SLC5A12: variants seen among roughly 807,000 people sequenced by gnomAD.
The protein encoded by SLC5A12 is sodium-coupled monocarboxylate transporter 2.
SLC5A12 carries 46 observed loss-of-function variants against 72.7 expected under a neutral mutation model. That is an observed-to-expected ratio of 0.63 (90% CI 0.50 to 0.81). The LOEUF is 0.81. SLC5A12 is among the 30% of genes least tolerant of loss of function. The pLI is 0.00. For synonymous variants in SLC5A12, 275 were observed against 264.4 expected, an observed-to-expected ratio of 1.04 and a Z score of -0.39; for missense variants, 683 against 740.7, an observed-to-expected ratio of 0.92 and a Z score of 0.90.
intron 1 of SLC5A12, among the ~76,000 whole-genome samples, 195 bp downstream of exon 1, chr11:26,721,178 GTCA>G (rs1855470719): frequency 6.6e-6 from 1 of 152,126 alleles, no homozygotes; most frequent in South Asian, 2.1e-4. Context: ...CTGTGGGATT[GTCA>G]TCATTATTTT....
intron 13 of SLC5A12, among the ~76,000 whole-genome samples, chr11:26,676,305 T>C (rs1267511439): frequency 3.3e-5 from 5 of 149,256 alleles, no homozygotes; most frequent in Non-Finnish European, 5.9e-5. Flanking sequence ...CTTTGTAGAG[T>C]GAAATCAACC....
At chr11:26,685,623 C>CAAA (rs145824876) in intron 10 of SLC5A12, among the ~76,000 whole-genome samples, 3 of 149,914 alleles carry the variant, frequency 2.0e-5, no homozygotes, top group African/African-American at 7.4e-5. Context: ...AACAAACAAA[C>CAAA]AAAAAAACAA....
At chr11:26,686,420 AAG>A (rs1854534950) in intron 10 of SLC5A12, 55 bp downstream of exon 10, 1 of 1,514,314 alleles carries the variant, frequency 6.6e-7, no homozygotes, top group African/African-American at 1.4e-5. Context: ...AAGACATTAA[AAG>A]AGAGTGGGGG....
intron 1 of SLC5A12, among the ~76,000 whole-genome samples, chr11:26,717,926 T>A (rs1455896261): frequency 6.6e-6 from 1 of 152,130 alleles, no homozygotes; most frequent in Admixed American, 6.5e-5. Flanking sequence ...CAGGGCAGCA[T>A]TCCAAGAGGA....
intron 6 of SLC5A12, among the ~76,000 whole-genome samples, chr11:26,702,004 T>C (rs1854968662): frequency 6.6e-6 from 1 of 152,172 alleles, no homozygotes; most frequent in African/African-American, 2.4e-5. Flanking sequence ...GAAAATAATA[T>C]AAACTCATAA....
intron 7 of SLC5A12, 91 bp from the exon 8 acceptor site, chr11:26,697,343 C>T (rs1854845779): frequency 2.7e-6 from 3 of 1,111,774 alleles, no homozygotes; most frequent in Non-Finnish European, 3.9e-6. Flanking sequence ...GATTAGTGGT[C>T]TTCTCATCAG....
chr11:26,671,585 A>G (rs147701014), intron 14 of SLC5A12, among the ~76,000 whole-genome samples: 22 of 152,216 alleles, frequency 1.4e-4, no homozygotes, highest in African/African-American at 5.3e-4. Flanking sequence ...TGTATCTCAT[A>G]TGGGGATGGC....
chr11:26,715,341 A>AT (rs398015631), intron 1 of SLC5A12, among the ~76,000 whole-genome samples: 4 of 150,812 alleles, frequency 2.7e-5, no homozygotes, highest in African/African-American at 9.7e-5. Flanking sequence ...GCAGATCAGA[A>AT]GGCTTGAGGG....
At position 26,698,543 on chromosome 11, in the gene SLC5A12, A is replaced by G; in HGVS notation, c.822-8T>C. On this transcript the variant is annotated splice_polypyrimidine_tract_variant and splice_region_variant and intron_variant, in intron 6 of 14. Coordinates refer to ENST00000396005, the MANE Select transcript of SLC5A12 (RefSeq NM_178498.4). ...AAGTTAAAATACAAGGCACTAGAAA[A>G]GAGCACATGGGCCTATTGGTAGCCT... 6.2e-7 allele frequency: 1 copy of G among 1,613,838 alleles called. No homozygotes were observed. Among genetic ancestry groups the G allele is most frequent in the Non-Finnish European group, 8.5e-7 (1 of 1,179,806 alleles).
intron 8 of SLC5A12, among the ~76,000 whole-genome samples, chr11:26,695,576 G>A (rs531152588): frequency 1.4e-4 from 21 of 151,982 alleles, no homozygotes; most frequent in Admixed American, 6.6e-4. Context: ...AAATCTTTAC[G>A]TGGTCAAAAA....
chr11:26,682,627 G>T (rs1854436249), intron 11 of SLC5A12, among the ~76,000 whole-genome samples: 1 of 152,092 alleles, frequency 6.6e-6, no homozygotes, highest in South Asian at 2.1e-4. Flanking sequence ...GGGCCCCAAT[G>T]GCTGCCCAAA....
At chr11:26,694,533 G>A (rs144278764) in intron 8 of SLC5A12, among the ~76,000 whole-genome samples, 1 of 152,220 alleles carries the variant, frequency 6.6e-6, no homozygotes, top group Non-Finnish European at 1.5e-5. Flanking sequence ...GTGTCCTTGA[G>A]ATCCTAGTGC....
At chr11:26,701,637 T>C (rs745539417) in intron 6 of SLC5A12, among the ~76,000 whole-genome samples, 5 of 152,218 alleles carry the variant, frequency 3.3e-5, no homozygotes, top group Admixed American at 6.5e-5. Flanking sequence ...ATTACAGCTA[T>C]ATAATTTTAT....
intron 6 of SLC5A12, 51 bp downstream of exon 6, chr11:26,703,480 A>T (rs1391451882): frequency 1.3e-6 from 2 of 1,579,066 alleles, no homozygotes; most frequent in Admixed American, 3.4e-5. Flanking sequence ...TATAATAAGT[A>T]CCAAATAAGG....
rs1350770819 is a variant in SLC5A12, at chr11:26,693,273, G to C, written c.1041-672C>G. Among the ~76,000 whole-genome samples the C allele has an allele frequency of 3.3e-5, 5 of 152,158 alleles. No individual in the cohort carries two copies. In the East Asian group the frequency reaches 9.6e-4, roughly 29 times the overall value. On this transcript the variant is annotated intron_variant, in intron 8 of 14. Transcript: ENST00000396005. ...TGCAAAGTGGGAAAAAGATGTTGTAGGATGAAGGAAAAATTACGTATAGAT... is the reference window on the plus strand; with the variant it reads ...TGCAAAGTGGGAAAAAGATGTTGTACGATGAAGGAAAAATTACGTATAGAT...
intron 8 of SLC5A12, among the ~76,000 whole-genome samples, chr11:26,693,293 A>G (rs905598471): frequency 6.6e-6 from 1 of 152,218 alleles, no homozygotes; most frequent in African/African-American, 2.4e-5. Flanking sequence ...AAAATTACGT[A>G]TAGATGTCTC....
intron 7 of SLC5A12, 139 bp from the exon 8 acceptor site, chr11:26,697,391 A>T (rs551736579): frequency 2.9e-6 from 2 of 685,604 alleles, no homozygotes; most frequent in East Asian, 5.7e-5. Context: ...TAGCAAAAGG[A>T]GGTAGGAAGT....
At chr11:26,679,988 A>G (rs1854353794) in intron 12 of SLC5A12, among the ~76,000 whole-genome samples, 1 of 152,190 alleles carries the variant, frequency 6.6e-6, no homozygotes, top group South Asian at 2.1e-4. Context: ...TGGACTTTGT[A>G]AAGACAAGAC....
At chr11:26,720,216 G>A (rs1228185960) in intron 1 of SLC5A12, among the ~76,000 whole-genome samples, 2 of 152,032 alleles carry the variant, frequency 1.3e-5, no homozygotes, top group Non-Finnish European at 2.9e-5. Context: ...CAAGCTGGGT[G>A]TGGTGGCAAA....
Sources: gnomAD v4.1 joint callset for allele counts (sites outside exome capture counted in the v4.1 genomes callset) on GRCh38, gnomAD v4.1.1 for gene constraint, MANE v1.5 for transcripts, NCBI Gene and HGNC (gene_info 2026-07-23, HGNC 2026-07-21) for gene names.